Variants in PDS5B observed in about 807,000 individuals in gnomAD.
The protein encoded by PDS5B is sister chromatid cohesion protein PDS5 homolog B.
PDS5B carries 51 observed loss-of-function variants against 184.1 expected under a neutral mutation model. The observed-to-expected ratio is 0.28, with a 90% CI of 0.22 to 0.35. The LOEUF is 0.35. Ranked by LOEUF, PDS5B falls within the 10% of genes least tolerant of loss-of-function variation. PDS5B has a pLI of 1.00. For synonymous variants in PDS5B, 566 were observed against 569.2 expected, an observed-to-expected ratio of 0.99 and a Z score of 0.08; for missense variants, 1,180 against 1,723.3, an observed-to-expected ratio of 0.68 and a Z score of 5.58.
At chr13:32,729,299 G>T (rs1260710360) in intron 19 of PDS5B, among the ~76,000 whole-genome samples, 1 of 152,154 alleles carries the variant, frequency 6.6e-6, no homozygotes, top group East Asian at 1.9e-4. Context: ...TGGTTGCATA[G>T]TATTCCATGG....
At chr13:32,627,482 CTT>C (rs1233708026) in intron 1 of PDS5B, among the ~76,000 whole-genome samples, 2 of 151,666 alleles carry the variant, frequency 1.3e-5, no homozygotes, top group South Asian at 2.1e-4. Flanking sequence ...TTTTTTTACT[CTT>C]TTTTAGGAAG....
intron 1 of PDS5B, among the ~76,000 whole-genome samples, chr13:32,595,801 A>C (rs1231335254): frequency 1.3e-5 from 2 of 152,192 alleles, no homozygotes; most frequent in African/African-American, 4.8e-5. Context: ...AGGACCTATA[A>C]GGAAATAAAA....
intron 6 of PDS5B, among the ~76,000 whole-genome samples, chr13:32,663,008 A>T (rs574913108): frequency 1.3e-5 from 2 of 152,242 alleles, no homozygotes; most frequent in East Asian, 3.9e-4. Context: ...TAACCTGGCA[A>T]ATTTGTCTTG....
intron 34 of PDS5B, among the ~76,000 whole-genome samples, chr13:32,773,991 A>C (rs1207566613): frequency 6.6e-6 from 1 of 152,128 alleles, no homozygotes; most frequent in Non-Finnish European, 1.5e-5. Context: ...TTTAGTGCAG[A>C]CAGGGTTTTA....
Position 32,770,713 on chromosome 13 carries a change from G to A in PDS5B, c.4124G>A (p.Arg1375Gln), listed in dbSNP as rs746251315. 1.5e-5 allele frequency: 24 copies of A among 1,610,420 alleles called. No homozygotes were observed. Among genetic ancestry groups the A allele is most frequent in the Non-Finnish European group, 2.0e-5 (23 of 1,178,342 alleles). The change falls in exon 33 of 35, where the codon CGA becomes CAA. Residue 1375 changes from arginine (R) to glutamine (Q), a missense_variant. This residue lies in a region of PDS5B where 465 missense variants were observed against 497.8 expected (regional missense o/e 0.93). Coordinates refer to ENST00000315596, the MANE Select transcript of PDS5B (RefSeq NM_015032.4). The stretch of plus-strand genomic sequence containing the variant: ...ACACAGTCCACACCACAGAAAGGAC[G>A]AGGAAGACCATCAAAAACGCCATCA... Reference protein sequence around the residue: ...ESTQSTPQKGRGRPSKTPSPS... With the variant: ...ESTQSTPQKGQGRPSKTPSPS...
intron 1 of PDS5B, among the ~76,000 whole-genome samples, chr13:32,601,033 A>G (rs1443990553): frequency 6.6e-6 from 1 of 152,168 alleles, no homozygotes; most frequent in African/African-American, 2.4e-5. Flanking sequence ...CTTGAATAAA[A>G]CAGCTTTCTG....
intron 3 of PDS5B, among the ~76,000 whole-genome samples, chr13:32,658,006 TTTAAGA>T (rs1323269811): frequency 6.6e-6 from 1 of 152,186 alleles, no homozygotes; most frequent in Non-Finnish European, 1.5e-5. Flanking sequence ...GTTTTTTGAC[TTTAAGA>T]TTATGGCAAA....
At chr13:32,720,135 T>C (rs899356178) in intron 19 of PDS5B, among the ~76,000 whole-genome samples, 3 of 152,224 alleles carry the variant, frequency 2.0e-5, no homozygotes, top group Non-Finnish European at 4.4e-5. Flanking sequence ...GAATAACAAA[T>C]ATAAATCTCA....
At chr13:32,587,638 C>G (rs1020528232) in intron 1 of PDS5B, among the ~76,000 whole-genome samples, 1 of 152,180 alleles carries the variant, frequency 6.6e-6, no homozygotes, top group Admixed American at 6.5e-5. Context: ...CGTTCCTTGC[C>G]GCGGACGGGG....
intron 1 of PDS5B, among the ~76,000 whole-genome samples, chr13:32,637,481 T>G (rs1393417529): frequency 5.9e-5 from 9 of 152,098 alleles, no homozygotes; most frequent in Admixed American, 3.9e-4. Flanking sequence ...CGCGGTATCT[T>G]TGAGAATACC....
intron 9 of PDS5B, among the ~76,000 whole-genome samples, chr13:32,678,505 T>C (rs1951133646): frequency 1.3e-5 from 2 of 152,332 alleles, no homozygotes; most frequent in Admixed American, 6.5e-5. Flanking sequence ...GAACTATATA[T>C]GCACACTTGC....
chr13:32,603,580 C>T (rs2058012130), intron 1 of PDS5B, among the ~76,000 whole-genome samples: 1 of 152,132 alleles, frequency 6.6e-6, no homozygotes, highest in Non-Finnish European at 1.5e-5. Context: ...GCAATGTGGG[C>T]TGTTTTGTGG....
At chr13:32,709,312 G>T (rs1045380590) in intron 18 of PDS5B, among the ~76,000 whole-genome samples, 15 of 151,830 alleles carry the variant, frequency 9.9e-5, no homozygotes, top group Non-Finnish European at 1.3e-4. Context: ...AGTGTGTTGT[G>T]GGGGCAAGGG....
At chr13:32,641,546 A>G (rs1472125102) in intron 1 of PDS5B, among the ~76,000 whole-genome samples, 2 of 152,114 alleles carry the variant, frequency 1.3e-5, no homozygotes, top group Non-Finnish European at 2.9e-5. Flanking sequence ...TAATATCACT[A>G]TATATCGTCC....
At chr13:32,748,233 A>G (rs890730157) in intron 24 of PDS5B, among the ~76,000 whole-genome samples, 6 of 152,202 alleles carry the variant, frequency 3.9e-5, no homozygotes, top group Non-Finnish European at 8.8e-5. Flanking sequence ...TCAAGAAAGA[A>G]TAATCTATCT....
intron 6 of PDS5B, among the ~76,000 whole-genome samples, chr13:32,660,990 T>A (rs536729690): frequency 1.7e-4 from 26 of 151,944 alleles, no homozygotes; most frequent in African/African-American, 4.6e-4. Context: ...ACAAAATTTT[T>A]AAAAAAAATT....
At chr13:32,597,587 A>T (rs985005565) in intron 1 of PDS5B, among the ~76,000 whole-genome samples, 1 of 142,640 alleles carries the variant, frequency 7.0e-6, no homozygotes, top group Non-Finnish European at 1.5e-5. Flanking sequence ...GCACTTTGGG[A>T]GGCTGAGGCC....
At chr13:32,732,304 CA>C in intron 20 of PDS5B, 80 bp downstream of exon 20, 1 of 983,544 alleles carries the variant, frequency 1.0e-6, no homozygotes, top group South Asian at 1.5e-5. Context: ...GGAATGTTCA[CA>C]TTTGGTGATG....
chr13:32,770,627 T>C, intron 32 of PDS5B, 27 bp from the exon 33 acceptor site: 1 of 1,601,592 alleles, frequency 6.2e-7, no homozygotes, highest in Non-Finnish European at 8.5e-7. Context: ...TTTGATGCTA[T>C]CCACATTTGG....
Sources: allele counts gnomAD v4.1 joint callset (sites outside exome capture counted in the v4.1 genomes callset), GRCh38; gene constraint gnomAD v4.1.1; regional missense constraint gnomAD v4.1.1; transcripts MANE v1.5; gene names NCBI Gene and HGNC (gene_info 2026-07-23, HGNC 2026-07-21).